PCDHA5: variants seen among roughly 807,000 people sequenced by gnomAD.
The protein encoded by PCDHA5 is protocadherin alpha-5.
Under a neutral mutation model 61.6 loss-of-function variants are expected in PCDHA5, and 43 were observed. That is an observed-to-expected ratio of 0.70 (90% confidence interval 0.55 to 0.90). The LOEUF (loss-of-function observed/expected upper bound fraction) is 0.90. PCDHA5 is among the 40% of genes least tolerant of loss of function. The probability of loss-of-function intolerance (pLI) is 0.00; values close to 1 mark genes in which losing one functional copy is unlikely to be tolerated. For missense variants in PCDHA5, 1,298 were observed against 1,222.7 expected (o/e 1.06, Z -0.92); for synonymous variants, 627 against 543.9 (o/e 1.15, Z -2.13).
intron 1 of PCDHA5, chr5:140,869,887 C>T (rs782219538): frequency 3.7e-6 from 6 of 1,610,056 alleles, no homozygotes; most frequent in Non-Finnish European, 3.4e-6. Flanking sequence ...AACTCTTGTG[C>T]TCAAACTAAA....
intron 1 of PCDHA5, chr5:140,829,603 G>A: frequency 6.2e-7 from 1 of 1,612,072 alleles, no homozygotes; most frequent in Non-Finnish European, 8.5e-7. Context: ...AGCGCGCGTT[G>A]TCGAGCTACA....
At chr5:140,902,647 G>T (rs1286700570) in intron 1 of PCDHA5, among the ~76,000 whole-genome samples, 3 of 150,932 alleles carry the variant, frequency 2.0e-5, no homozygotes, top group African/African-American at 7.3e-5. Context: ...CTGAGATTTT[G>T]GTGCACCTGT....
chr5:140,864,192 T>A (rs528891456), intron 1 of PCDHA5: 1 of 152,324 alleles, frequency 6.6e-6, no homozygotes, highest in Admixed American at 6.5e-5. Flanking sequence ...TAATGATCCT[T>A]ATGAGAAGGT....
At chr5:140,860,689 G>A (rs1478164991) in intron 1 of PCDHA5, 3 of 152,174 alleles carry the variant, frequency 2.0e-5, no homozygotes, top group African/African-American at 7.2e-5. Flanking sequence ...TGTTTTGAGC[G>A]ACAGGATATT....
At chr5:140,965,066 G>A (rs931765352) in intron 1 of PCDHA5, among the ~76,000 whole-genome samples, 3 of 152,164 alleles carry the variant, frequency 2.0e-5, no homozygotes, top group Non-Finnish European at 4.4e-5. Flanking sequence ...CAAATGTCAG[G>A]TCTCACTCTG....
intron 1 of PCDHA5, chr5:140,836,815 A>AT (rs1774761727): frequency 8.3e-7 from 1 of 1,210,190 alleles, no homozygotes; most frequent in African/African-American, 1.5e-5. Context: ...TTCTTTCATA[A>AT]TTTCTTTTTT....
At chr5:140,980,616 G>A (rs2096898086) in intron 2 of PCDHA5, among the ~76,000 whole-genome samples, 4 of 151,912 alleles carry the variant, frequency 2.6e-5, no homozygotes, top group Admixed American at 2.0e-4. Context: ...GCGACAGTGC[G>A]AGACTCTGTC....
intron 1 of PCDHA5, among the ~76,000 whole-genome samples, chr5:140,827,478 A>T (rs1477917338): frequency 6.6e-6 from 1 of 152,232 alleles, no homozygotes; most frequent in Non-Finnish European, 1.5e-5. Flanking sequence ...TTATTGAACA[A>T]AGAAAGCATG....
At chr5:140,927,694 G>A in intron 1 of PCDHA5, 1 of 1,614,202 alleles carries the variant, frequency 6.2e-7, no homozygotes, top group Non-Finnish European at 8.5e-7. Context: ...CAATGGGGAA[G>A]TCCAGTACTC....
At position 140,857,364 on chromosome 5, in the gene PCDHA5, G is replaced by A. The variant is rs1464300143; in HGVS notation, c.2352+33237G>A. The A allele has an allele frequency of 2.5e-6, 4 of 1,598,296 alleles. No individual in the cohort carries two copies. In the East Asian group the frequency reaches 8.9e-5, roughly 36 times the overall value. On this transcript the variant is annotated intron_variant, in intron 1 of 3. Coordinates refer to ENST00000529859, the MANE Select transcript of PCDHA5 (RefSeq NM_018908.3). ...TCGCCTCCGCTGTGGGCCACGGCCA[G>A]CGTGTCTGTGGAGGTGGCCGACGTG...
chr5:140,927,015 G>A, intron 1 of PCDHA5: 1 of 1,612,466 alleles, frequency 6.2e-7, no homozygotes. Context: ...ATCTCTCCGC[G>A]GACTTGAGGC....
intron 3 of PCDHA5, among the ~76,000 whole-genome samples, chr5:140,990,741 G>A (rs528078912): frequency 4.3e-4 from 65 of 152,270 alleles, no homozygotes; most frequent in African/African-American, 1.2e-3. Context: ...ACAGCCCTAG[G>A]GTGGATACCT....
intron 1 of PCDHA5, among the ~76,000 whole-genome samples, chr5:140,919,536 C>A (rs1554199151): frequency 6.6e-6 from 1 of 151,864 alleles, no homozygotes; most frequent in Admixed American, 6.6e-5. Context: ...TTTTCCTATA[C>A]TTTTCATTTA....
intron 1 of PCDHA5, chr5:140,830,203 C>T: frequency 6.2e-7 from 1 of 1,613,778 alleles, no homozygotes; most frequent in Non-Finnish European, 8.5e-7. Context: ...TCATCGCCAT[C>T]TGCGCGGTAT....
chr5:140,955,698 T>C (rs1295764352), intron 1 of PCDHA5, among the ~76,000 whole-genome samples: 2 of 152,218 alleles, frequency 1.3e-5, no homozygotes, highest in South Asian at 2.1e-4. Context: ...TGAATGTCAA[T>C]GGAAGTTTAA....
At chr5:140,936,163 G>A (rs2090818025) in intron 1 of PCDHA5, among the ~76,000 whole-genome samples, 1 of 152,090 alleles carries the variant, frequency 6.6e-6, no homozygotes, top group African/African-American at 2.4e-5. Flanking sequence ...AAAGTGCTGG[G>A]ATTAGAGGCC....
At chr5:140,931,947 T>C (rs782000891) in intron 1 of PCDHA5, among the ~76,000 whole-genome samples, 1 of 151,972 alleles carries the variant, frequency 6.6e-6, no homozygotes, top group Non-Finnish European at 1.5e-5. Context: ...GTCTGAGTCT[T>C]ACAGAATCAT....
intron 1 of PCDHA5, chr5:140,966,824 A>G (rs1463208532): frequency 1.3e-6 from 2 of 1,559,876 alleles, no homozygotes; most frequent in Admixed American, 1.9e-5. Flanking sequence ...CCGGCGGCCC[A>G]TGCCCTGGCT....
At chr5:140,852,796 T>C in intron 1 of PCDHA5, 4 of 976,920 alleles carry the variant, frequency 4.1e-6, no homozygotes, top group Non-Finnish European at 4.9e-6. Context: ...ATGCTACAGA[T>C]GTCATTTGTC....
Sources: allele counts gnomAD v4.1 joint callset (sites outside exome capture counted in the v4.1 genomes callset), GRCh38; gene constraint gnomAD v4.1.1; transcripts MANE v1.5; gene names NCBI Gene and HGNC (gene_info 2026-07-23, HGNC 2026-07-21).